KMT5B: variants seen among roughly 807,000 people sequenced by gnomAD.
The protein encoded by KMT5B is lysine methyltransferase 5B, also known as histone-lysine N-methyltransferase KMT5B.
KMT5B carries 10 observed loss-of-function variants against 83.2 expected under a neutral mutation model. The observed-to-expected ratio is 0.12, with a 90% CI of 0.07 to 0.20. The LOEUF is 0.20. Among genes scored for constraint, KMT5B ranks in the 10% least tolerant of loss-of-function variants. The pLI is 1.00. For missense variants in KMT5B, 753 were observed against 1,067.2 expected (o/e 0.71, Z 4.10); for synonymous variants, 349 against 388.8 (o/e 0.90, Z 1.20).
intron 1 of KMT5B, among the ~76,000 whole-genome samples, chr11:68,198,903 G>A (rs1009562275): frequency 2.0e-5 from 3 of 152,094 alleles, no homozygotes; most frequent in African/African-American, 7.2e-5. Context: ...CTGATTTTTT[G>A]TATTTCTAGT....
intron 1 of KMT5B, 71 bp from the exon 2 acceptor site, chr11:68,190,223 A>C: frequency 1.5e-6 from 1 of 685,074 alleles, no homozygotes; most frequent in Non-Finnish European, 2.5e-6. Flanking sequence ...TGCTAAACAG[A>C]CCCTTGAGAA....
chr11:68,193,601 G>A (rs1009735280), intron 1 of KMT5B, among the ~76,000 whole-genome samples: 4 of 151,374 alleles, frequency 2.6e-5, no homozygotes, highest in African/African-American at 7.3e-5. Flanking sequence ...ATTTAAATTC[G>A]ATTATAGTAT....
intron 10 of KMT5B, among the ~76,000 whole-genome samples, chr11:68,160,923 G>C (rs768888681): frequency 4.6e-5 from 7 of 152,180 alleles, no homozygotes; most frequent in Non-Finnish European, 1.0e-4. Flanking sequence ...CTCCAGCCTG[G>C]GTGACAAGAG....
chr11:68,195,973 A>G (rs112514522), intron 1 of KMT5B, among the ~76,000 whole-genome samples: 19,756 of 152,094 alleles, frequency 0.13, 1,522 homozygotes, highest in East Asian at 0.23. Context: ...CCTCGCCAAC[A>G]TGGTGAAACC....
At chr11:68,201,470 T>C (rs1182011900) in intron 1 of KMT5B, among the ~76,000 whole-genome samples, 1 of 152,162 alleles carries the variant, frequency 6.6e-6, no homozygotes, top group African/African-American at 2.4e-5. Context: ...GATTATAAAT[T>C]GTTGAGTGAC....
Position 68,186,597 on chromosome 11 carries a change from A to G in KMT5B, c.161-669T>C, listed in dbSNP as rs59617727. ...TGGATAAAAATACAGACTGAAATAT[A>G]TAACTGAAATAACTGGGTTTAACTG... On this transcript the variant is annotated intron_variant, in intron 2 of 10. Transcript: ENST00000304363. Among the ~76,000 whole-genome samples the G allele has an allele frequency of 2.5e-3, 385 of 152,372 alleles. 1 individual carries two copies. The highest frequency in any genetic ancestry group is 8.8e-3 in the African/African-American group (364 of 41,590).
intron 10 of KMT5B, among the ~76,000 whole-genome samples, chr11:68,159,788 C>T (rs1005922859): frequency 3.3e-5 from 5 of 152,262 alleles, no homozygotes; most frequent in African/African-American, 9.6e-5. Flanking sequence ...TTGTCCCCTT[C>T]AACTCCGTGA....
At chr11:68,200,084 C>A (rs534532829) in intron 1 of KMT5B, among the ~76,000 whole-genome samples, 15 of 152,188 alleles carry the variant, frequency 9.9e-5, no homozygotes, top group African/African-American at 3.6e-4. Flanking sequence ...ATACCAGGGT[C>A]TGGAGTCCAG....
intron 5 of KMT5B, chr11:68,174,246 T>C (rs1305206993): frequency 5.2e-6 from 2 of 388,296 alleles, no homozygotes; most frequent in Non-Finnish European, 1.0e-5. Context: ...AAAAGTAAGA[T>C]CATTAGGTAA....
At chr11:68,168,252 T>A (rs1291651533) in intron 9 of KMT5B, among the ~76,000 whole-genome samples, 1 of 152,114 alleles carries the variant, frequency 6.6e-6, no homozygotes, top group Non-Finnish European at 1.5e-5. Flanking sequence ...CTGTGAAGCA[T>A]CTCTGCATCT....
chr11:68,205,953 C>G (rs1860052840), intron 1 of KMT5B, among the ~76,000 whole-genome samples: 1 of 152,158 alleles, frequency 6.6e-6, no homozygotes, highest in African/African-American at 2.4e-5. Context: ...ACTTATTTGG[C>G]TACTGATCTA....
At chr11:68,161,133 T>G (rs1854824481) in intron 10 of KMT5B, among the ~76,000 whole-genome samples, 1 of 152,160 alleles carries the variant, frequency 6.6e-6, no homozygotes, top group South Asian at 2.1e-4. Context: ...ACTTTGAATG[T>G]GATTCAATTT....
intron 2 of KMT5B, among the ~76,000 whole-genome samples, chr11:68,187,000 CT>C (rs879872944): frequency 2.2e-3 from 320 of 145,534 alleles, no homozygotes; most frequent in Middle Eastern, 7.3e-3. Context: ...ACACAACTCA[CT>C]TTTTTTTTTT....
rs535202119 is a variant in KMT5B at position 68,191,106 on chromosome 11, C to T, written c.-76-954G>A. On this transcript the variant is annotated intron_variant, in intron 1 of 10. Coordinates refer to ENST00000304363, the MANE Select transcript of KMT5B (RefSeq NM_017635.5). ...CAAATTCCAGGGCTCAACCAATCCT[C>T]CCACTCAGCCTCCCAAGTAGCTGGG... Among the ~76,000 whole-genome samples, 16 of 152,146 alleles carry T rather than the reference C, an allele frequency of 1.1e-4. No individual in the cohort carries two copies. In the South Asian group the frequency reaches 1.9e-3, roughly 18 times the overall value.
chr11:68,165,963 A>C, intron 10 of KMT5B: 1 of 1,612,882 alleles, frequency 6.2e-7, no homozygotes, highest in East Asian at 2.2e-5. Context: ...AGTGGAAGAG[A>C]GCACCCAGTG....
rs1859463184 is a variant in KMT5B at position 68,158,471 on chromosome 11, T to A, written c.1875A>T (p.Lys625Asn). 1 of 1,614,108 alleles carries A rather than the reference T, an allele frequency of 6.2e-7. No homozygotes were observed. Reference protein sequence around the residue: ...RQGKLVKQFAKIEESTPVHDS... With the variant: ...RQGKLVKQFANIEESTPVHDS... ...CGTGCACTGGAGTAGATTCCTCTAT[T>A]TTTGCAAACTGTTTCACAAGTTTTC... The change falls in exon 11 of 11, where the codon AAA (lysine) becomes AAT (asparagine). Residue 625 changes from lysine (K) to asparagine (N), a missense_variant. By Grantham distance (94) the Lys-to-Asn change is moderately conservative. Around this residue, in one of 9 missense-constraint regions of KMT5B, gnomAD observed 397 missense variants for 395.9 expected, o/e 1.00. Transcript: ENST00000304363.
intron 4 of KMT5B, among the ~76,000 whole-genome samples, chr11:68,175,914 GTTTT>G (rs397848049): frequency 7.9e-6 from 1 of 126,372 alleles, no homozygotes. Context: ...GGGTAGAGTT[GTTTT>G]TTTTTTTTTT....
chr11:68,186,296 T>C (rs962699558), intron 2 of KMT5B, among the ~76,000 whole-genome samples: 1 of 152,078 alleles, frequency 6.6e-6, no homozygotes, highest in Admixed American at 6.6e-5. Flanking sequence ...CCATTACAGA[T>C]AGGACTCGAC....
chr11:68,202,469 T>C (rs905982537), intron 1 of KMT5B, among the ~76,000 whole-genome samples: 1 of 151,986 alleles, frequency 6.6e-6, no homozygotes, highest in Non-Finnish European at 1.5e-5. Flanking sequence ...TTTCTCAGCA[T>C]GGTGCTTATT....
Sources: allele counts gnomAD v4.1 joint callset (sites outside exome capture counted in the v4.1 genomes callset), GRCh38; gene constraint gnomAD v4.1.1; regional missense constraint gnomAD v4.1.1; transcripts MANE v1.5; gene names NCBI Gene and HGNC (gene_info 2026-07-23, HGNC 2026-07-21).